Variants in CNTNAP2 observed in about 807,000 individuals in gnomAD.
The protein encoded by CNTNAP2 is contactin associated protein 2, also known as contactin-associated protein-like 2.
CNTNAP2 carries 98 observed loss-of-function variants against 155.2 expected under a neutral mutation model. The observed-to-expected ratio is 0.63, with a 90% CI of 0.54 to 0.75. The LOEUF (loss-of-function observed/expected upper bound fraction) is 0.75, where lower values mean the gene tolerates loss of function less well. Ranked by LOEUF, CNTNAP2 falls within the 30% of genes least tolerant of loss-of-function variation. The pLI is 0.00. For missense variants in CNTNAP2, 1,727 were observed against 1,688.1 expected (o/e 1.02, Z -0.40); for synonymous variants, 651 against 631.2 (o/e 1.03, Z -0.47).
chr7:146,524,731 A>C (rs1297884851), intron 1 of CNTNAP2, among the ~76,000 whole-genome samples: 1 of 152,160 alleles, frequency 6.6e-6, no homozygotes, highest in Non-Finnish European at 1.5e-5. Context: ...TTTAGGAGAT[A>C]TAAGAACATT....
At chr7:146,288,874 G>A (rs772503262) in intron 1 of CNTNAP2, among the ~76,000 whole-genome samples, 2 of 135,294 alleles carry the variant, frequency 1.5e-5, no homozygotes, top group South Asian at 2.3e-4. Context: ...GTGCACTCTC[G>A]GCTCACTGCA....
chr7:147,188,866 C>T (rs1223648138), intron 8 of CNTNAP2, among the ~76,000 whole-genome samples: 1 of 152,044 alleles, frequency 6.6e-6, no homozygotes, highest in African/African-American at 2.4e-5. Flanking sequence ...AGAGATTATT[C>T]CTTTTATAAA....
intron 12 of CNTNAP2, among the ~76,000 whole-genome samples, chr7:147,596,108 A>G (rs1377817801): frequency 3.3e-5 from 5 of 152,072 alleles, no homozygotes; most frequent in African/African-American, 1.2e-4. Context: ...ACTGTCTCTC[A>G]GGCATCCCCA....
chr7:147,869,579 A>G (rs893280408), intron 13 of CNTNAP2, among the ~76,000 whole-genome samples: 2 of 151,950 alleles, frequency 1.3e-5, no homozygotes, highest in African/African-American at 4.8e-5. Context: ...ATGGATGTTA[A>G]TTTCAGCTCA....
At chr7:147,519,322 T>C (rs1325879323) in intron 11 of CNTNAP2, among the ~76,000 whole-genome samples, 1 of 152,188 alleles carries the variant, frequency 6.6e-6, no homozygotes, top group African/African-American at 2.4e-5. Flanking sequence ...CACATCGCAT[T>C]GCTCTGGCAC....
chr7:147,111,885 T>G (rs11764871), intron 5 of CNTNAP2, among the ~76,000 whole-genome samples: 32,828 of 152,154 alleles, frequency 0.22, 4,182 homozygotes, highest in Non-Finnish European at 0.29. Context: ...TAAATAGTTT[T>G]TTTAAATTCT....
chr7:146,618,073 G>A (rs1291734299), intron 1 of CNTNAP2, among the ~76,000 whole-genome samples: 1 of 152,094 alleles, frequency 6.6e-6, no homozygotes, highest in African/African-American at 2.4e-5. Context: ...AAACCCTTTA[G>A]GAAGTAGTTT....
At chr7:147,378,864 A>G (rs1796485996) in intron 9 of CNTNAP2, among the ~76,000 whole-genome samples, 1 of 151,968 alleles carries the variant, frequency 6.6e-6, no homozygotes, top group South Asian at 2.1e-4. Context: ...TTTAAGTATT[A>G]TTTGATATGG....
At chr7:146,989,566 T>A (rs182324280) in intron 3 of CNTNAP2, among the ~76,000 whole-genome samples, 32 of 152,256 alleles carry the variant, frequency 2.1e-4, no homozygotes, top group Admixed American at 4.6e-4. Flanking sequence ...CTATTATACA[T>A]GATCAGATCT....
At chr7:148,119,399 G>A (rs183699141) in intron 16 of CNTNAP2, among the ~76,000 whole-genome samples, 1,560 of 151,828 alleles carry the variant, frequency 0.01, 10 homozygotes, top group South Asian at 0.017. Context: ...GTGTGGTGGC[G>A]GGGGCGCCTG....
At position 148,120,729 on chromosome 7, in the gene CNTNAP2, G is replaced by A. The variant is rs114860048; in HGVS notation, c.2554+2441G>A. ...TATCCTTTACTCTGGGCAAAAACAT[G>A]TGAAACGTTCAAGACCCAGATTCGA... is the stretch of plus-strand genomic sequence containing the variant. On this transcript the variant is annotated intron_variant, in intron 16 of 23. Coordinates refer to ENST00000361727, the MANE Select transcript of CNTNAP2 (RefSeq NM_014141.6). 6.5e-3 allele frequency among the ~76,000 whole-genome samples: 989 copies of A among 152,284 alleles called. 22 individuals carry two copies. Among genetic ancestry groups the A allele is most frequent in the African/African-American group, 0.022 (931 of 41,556 alleles).
intron 18 of CNTNAP2, among the ~76,000 whole-genome samples, chr7:148,175,794 A>C (rs1399871876): frequency 6.6e-6 from 1 of 152,016 alleles, no homozygotes; most frequent in Non-Finnish European, 1.5e-5. Flanking sequence ...CAGACAGCCC[A>C]TACTGTTTGA....
intron 1 of CNTNAP2, among the ~76,000 whole-genome samples, chr7:146,136,324 G>C (rs1372538978): frequency 6.6e-6 from 1 of 152,050 alleles, no homozygotes; most frequent in Non-Finnish European, 1.5e-5. Context: ...ATGCCATTAG[G>C]GTGATTTTTC....
chr7:146,157,521 G>A (rs1798145301), intron 1 of CNTNAP2, among the ~76,000 whole-genome samples: 1 of 152,124 alleles, frequency 6.6e-6, no homozygotes, highest in Non-Finnish European at 1.5e-5. Context: ...CTGGAAAACT[G>A]GGACACTCCC....
At chr7:146,889,253 A>G (rs75740405) in intron 3 of CNTNAP2, among the ~76,000 whole-genome samples, 1,884 of 152,306 alleles carry the variant, frequency 0.012, 41 homozygotes, top group African/African-American at 0.042. Flanking sequence ...GCTTTCTTAT[A>G]TATATTTAGA....
intron 1 of CNTNAP2, among the ~76,000 whole-genome samples, chr7:146,382,365 G>A (rs1795401967): frequency 6.6e-6 from 1 of 152,130 alleles, no homozygotes; most frequent in South Asian, 2.1e-4. Flanking sequence ...ATGATAGGCA[G>A]GAAGAAGAGT....
chr7:147,983,202 A>G (rs1801562137), intron 15 of CNTNAP2, among the ~76,000 whole-genome samples: 2 of 152,104 alleles, frequency 1.3e-5, no homozygotes, highest in African/African-American at 4.8e-5. Flanking sequence ...GGACTGAAGG[A>G]GAAACCACTT....
At chr7:147,746,075 G>A (rs1161325277) in intron 13 of CNTNAP2, among the ~76,000 whole-genome samples, 1 of 152,208 alleles carries the variant, frequency 6.6e-6, no homozygotes, top group African/African-American at 2.4e-5. Context: ...TGCAGGTTCT[G>A]TGTGTAAATA....
chr7:146,913,018 C>T (rs373102812), intron 3 of CNTNAP2, among the ~76,000 whole-genome samples: 3 of 152,142 alleles, frequency 2.0e-5, no homozygotes, highest in South Asian at 4.2e-4. Flanking sequence ...ATTAATGACT[C>T]CTTTATTGGT....
Sources: allele counts gnomAD v4.1 joint callset (sites outside exome capture counted in the v4.1 genomes callset), GRCh38; gene constraint gnomAD v4.1.1; transcripts MANE v1.5; gene names NCBI Gene and HGNC (gene_info 2026-07-23, HGNC 2026-07-21).